The following COLQ variants were observed in gnomAD, a reference collection of about 807,000 sequenced individuals.
COLQ encodes acetylcholinesterase collagenic tail peptide.
COLQ carries 48 observed loss-of-function variants against 69.0 expected under a neutral mutation model. The observed-to-expected ratio is 0.70, with a 90% confidence interval of 0.55 to 0.88. The LOEUF is 0.88. COLQ is among the 40% of genes least tolerant of loss of function. The pLI is 0.00. For missense variants in COLQ, 618 were observed against 594.6 expected, an observed-to-expected ratio of 1.04 and a Z score of -0.41; for synonymous variants, 217 against 211.2, an observed-to-expected ratio of 1.03 and a Z score of -0.24.
chr3:15,490,352 T>G (rs1196355588), intron 1 of COLQ, among the ~76,000 whole-genome samples: 1 of 152,198 alleles, frequency 6.6e-6, no homozygotes, highest in Admixed American at 6.5e-5. Context: ...CAGATCTCCA[T>G]AAGGTGGACG....
At chr3:15,461,496 A>T (rs1575465582) in intron 12 of COLQ, among the ~76,000 whole-genome samples, 1 of 151,844 alleles carries the variant, frequency 6.6e-6, no homozygotes, top group Admixed American at 6.6e-5. Context: ...TTTCATCGCC[A>T]CCCCCTGCAG....
At chr3:15,451,898 C>T (rs548674287) in intron 16 of COLQ, among the ~76,000 whole-genome samples, 185 bp from the exon 17 acceptor site, 8 of 152,234 alleles carry the variant, frequency 5.3e-5, no homozygotes, top group East Asian at 1.9e-4. Context: ...AGGTCTAGCT[C>T]GGGGCCTGGG....
intron 7 of COLQ, chr3:15,475,173 A>G: frequency 1.5e-6 from 1 of 660,090 alleles, no homozygotes; most frequent in Non-Finnish European, 2.6e-6. Flanking sequence ...AGTCCTGATC[A>G]AAGGTTTCCA....
At chr3:15,483,400 C>G (rs904762332) in intron 3 of COLQ, among the ~76,000 whole-genome samples, 4 of 152,128 alleles carry the variant, frequency 2.6e-5, no homozygotes, top group Non-Finnish European at 4.4e-5. Flanking sequence ...CCCAGAGATT[C>G]TGGTATGTTG....
intron 1 of COLQ, among the ~76,000 whole-genome samples, chr3:15,509,419 GT>G (rs1271350475): frequency 6.6e-6 from 1 of 152,220 alleles, no homozygotes; most frequent in Non-Finnish European, 1.5e-5. Context: ...GCCTTGTGGG[GT>G]TTCCTCCTAA....
In COLQ at chr3:15,451,316, G is replaced by GCACT. The variant is rs2061938363; in HGVS notation, c.*327_*328insAGTG. 2.1e-6 allele frequency: 1 copy of GCACT among 474,676 alleles called. No homozygotes were observed. Among genetic ancestry groups the GCACT allele is most frequent in the Admixed American group, 3.2e-5 (1 of 31,544 alleles). The allele number at this position is 474,676 out of a possible 1,614,324, so 29.4% of individuals were successfully genotyped here. On this transcript the variant is annotated 3_prime_UTR_variant, in exon 17 of 17. Transcript: ENST00000383788. The stretch of plus-strand genomic sequence containing the variant: ...TGCAGGTCTGTGTGTGTCTAACAGT[G>GCACT]CTCAGCCAAGTCCACGGCCTGGGTC...
In COLQ at chr3:15,451,276, C is replaced by A; in HGVS notation, c.*368G>T. On this transcript the variant is annotated 3_prime_UTR_variant, in exon 17 of 17. Coordinates refer to ENST00000383788, the MANE Select transcript of COLQ (RefSeq NM_005677.4). ...TCCAGATTCCCCAAAGAGATCAAAA[C>A]ATTCTAAAACAGCCTGCAGGTCTGT... is the stretch of plus-strand genomic sequence containing the variant. The A allele has an allele frequency of 2.9e-6, 1 of 348,356 alleles. No homozygotes were observed. The highest frequency in any genetic ancestry group is 5.5e-6 in the Non-Finnish European group (1 of 180,472). 21.6% of individuals were successfully genotyped at this position (348,356 alleles called of 1,614,324 possible).
In COLQ at chr3:15,470,567, G is replaced by T. The variant is rs2062264716; in HGVS notation, c.686C>A (p.Pro229His). 3.1e-6 allele frequency: 5 copies of T among 1,614,054 alleles called. No homozygotes were observed. The highest frequency in any genetic ancestry group is 3.3e-4 in the Middle Eastern group (2 of 5,992). The change falls in exon 11 of 17, where the codon CCC (proline) becomes CAC (histidine). Residue 229 changes from proline to histidine, a missense_variant. Coordinates refer to ENST00000383788, the MANE Select transcript of COLQ (RefSeq NM_005677.4). ...GCCTCGTTTTCCTGGTCTTCCTGTGGGTCCTCGGTGTCCTGCTATCCCAGG... is the reference window on the plus strand; with the variant it reads ...GCCTCGTTTTCCTGGTCTTCCTGTGTGTCCTCGGTGTCCTGCTATCCCAGG... ...GEPGIAGHRG[P>H]TGRPGKRGKQ...
intron 7 of COLQ, 175 bp from the exon 8 acceptor site, chr3:15,475,126 C>T (rs927478853): frequency 1.3e-6 from 1 of 751,004 alleles, no homozygotes. Context: ...GTGGTTATAC[C>T]AGGCCTAAAA....
chr3:15,492,788 C>T (rs1382760085), intron 1 of COLQ, among the ~76,000 whole-genome samples: 1 of 152,238 alleles, frequency 6.6e-6, no homozygotes, highest in Non-Finnish European at 1.5e-5. Flanking sequence ...TTCTATCCCA[C>T]CCTTTGCAAG....
chr3:15,482,431 T>C (rs1407798289), intron 3 of COLQ, among the ~76,000 whole-genome samples: 1 of 152,350 alleles, frequency 6.6e-6, no homozygotes, highest in East Asian at 1.9e-4. Context: ...GGCTGTTGAA[T>C]TTTGTCAAAG....
chr3:15,487,900 G>A (rs2062600124), intron 3 of COLQ, among the ~76,000 whole-genome samples: 1 of 152,162 alleles, frequency 6.6e-6, no homozygotes, highest in South Asian at 2.1e-4. Flanking sequence ...GTGTTTGTCT[G>A]ATTGTAACTG....
chr3:15,521,471 C>G, intron 1 of COLQ, 49 bp downstream of exon 1: 2 of 1,611,190 alleles, frequency 1.2e-6, no homozygotes, highest in Non-Finnish European at 1.7e-6. Flanking sequence ...TCCTTCCTCC[C>G]CCTGTCCCCT....
At chr3:15,454,100 T>C in intron 15 of COLQ, 169 bp from the exon 16 acceptor site, 1 of 636,052 alleles carries the variant, frequency 1.6e-6, no homozygotes, top group South Asian at 1.8e-5. Context: ...CAGGCTCTGG[T>C]CCCACAGCGA....
intron 1 of COLQ, among the ~76,000 whole-genome samples, chr3:15,512,329 T>C (rs1481829375): frequency 6.6e-6 from 1 of 152,178 alleles, no homozygotes; most frequent in Non-Finnish European, 1.5e-5. Context: ...CCTTCAGCTG[T>C]CACCAGCTCC....
chr3:15,461,653 C>T (rs1314880569), intron 12 of COLQ, among the ~76,000 whole-genome samples: 1 of 152,138 alleles, frequency 6.6e-6, no homozygotes, highest in East Asian at 1.9e-4. Context: ...GACACTCACC[C>T]ATTCTGGACC....
chr3:15,474,329 A>C, intron 8 of COLQ, 57 bp from the exon 9 acceptor site: 1 of 1,584,212 alleles, frequency 6.3e-7, no homozygotes, highest in East Asian at 2.2e-5. Context: ...GGGAAATTCA[A>C]GCATTTCAAA....
rs973777071 is a variant in COLQ at position 15,480,868 on chromosome 3, G to A, written c.322-1486C>T. Among the ~76,000 whole-genome samples the A allele has an allele frequency of 5.9e-5, 9 of 152,082 alleles. No homozygotes were observed. In the East Asian group the frequency reaches 1.3e-3, roughly 23 times the overall value. On this transcript the variant is annotated intron_variant, in intron 3 of 16. Coordinates refer to ENST00000383788, the MANE Select transcript of COLQ (RefSeq NM_005677.4). Reference sequence around the variant, plus strand: ...GTTGTTTCCTGACTTTTTAATGATCGCCATTCTAACTGGTGTGAGATATCT... The same window carrying A: ...GTTGTTTCCTGACTTTTTAATGATCACCATTCTAACTGGTGTGAGATATCT...
chr3:15,511,779 TG>T (rs2062988733), intron 1 of COLQ, among the ~76,000 whole-genome samples: 1 of 151,990 alleles, frequency 6.6e-6, no homozygotes, highest in East Asian at 1.9e-4. Context: ...GGAAACCTTT[TG>T]GGGGCCACTC....
Sources: allele counts gnomAD v4.1 joint callset (sites outside exome capture counted in the v4.1 genomes callset), GRCh38; gene constraint gnomAD v4.1.1; transcripts MANE v1.5; gene names NCBI Gene and HGNC (gene_info 2026-07-23, HGNC 2026-07-21).